Variants in TRIM24 observed in about 807,000 individuals in gnomAD.
TRIM24 encodes tripartite motif containing 24, also known as transcription intermediary factor 1-alpha.
TRIM24 carries 29 observed loss-of-function variants against 123.9 expected under a neutral mutation model. That is an observed-to-expected ratio of 0.23 (90% CI 0.17 to 0.32). The LOEUF is 0.32. Among genes scored for constraint, TRIM24 ranks in the 10% least tolerant of loss-of-function variants. The probability of loss-of-function intolerance (pLI) is 1.00; values close to 1 mark genes in which losing one functional copy is unlikely to be tolerated. For missense variants in TRIM24, 932 were observed against 1,295.3 expected (o/e 0.72, Z 4.31); for synonymous variants, 456 against 461.1 (o/e 0.99, Z 0.14).
chr7:138,508,700 CGTGT>C (rs1554436660), intron 2 of TRIM24, among the ~76,000 whole-genome samples: 6 of 35,508 alleles, frequency 1.7e-4, no homozygotes, highest in Admixed American at 2.9e-4. Flanking sequence ...TGTGCGCGCG[CGTGT>C]GTGCGTGTGT....
At chr7:138,582,934 C>G (rs1399788204) in intron 17 of TRIM24, among the ~76,000 whole-genome samples, 2 of 152,108 alleles carry the variant, frequency 1.3e-5, no homozygotes, top group African/African-American at 4.8e-5. Flanking sequence ...ACAACATTAC[C>G]AACTTGAAAA....
chr7:138,531,742 AT>A (rs1335015231), intron 6 of TRIM24, among the ~76,000 whole-genome samples: 3 of 152,188 alleles, frequency 2.0e-5, no homozygotes, highest in Non-Finnish European at 2.9e-5. Flanking sequence ...CAGTAATGGA[AT>A]GGCTGGGTCA....
intron 1 of TRIM24, among the ~76,000 whole-genome samples, chr7:138,498,091 G>T (rs1236811607): frequency 6.6e-6 from 1 of 152,006 alleles, no homozygotes; most frequent in East Asian, 1.9e-4. Flanking sequence ...CGCAATCTCA[G>T]CTCACTGCAA....
At chr7:138,579,563 T>G (rs770453236) in intron 15 of TRIM24, 31 bp downstream of exon 15, 1 of 1,512,570 alleles carries the variant, frequency 6.6e-7, no homozygotes, top group South Asian at 1.3e-5. Context: ...CCACATTCTT[T>G]TACTGTAAAC....
At chr7:138,510,765 T>C (rs969696645) in intron 2 of TRIM24, among the ~76,000 whole-genome samples, 1 of 152,226 alleles carries the variant, frequency 6.6e-6, no homozygotes, top group Non-Finnish European at 1.5e-5. Context: ...ATAAATCTTC[T>C]CTGTGCAGTT....
chr7:138,558,208 A>G (rs1048125404), intron 9 of TRIM24, among the ~76,000 whole-genome samples: 2 of 152,224 alleles, frequency 1.3e-5, no homozygotes, highest in Admixed American at 6.5e-5. Context: ...AAAGAGGGGA[A>G]ACAGGAGAAT....
At chr7:138,524,750 T>C (rs907025401) in intron 4 of TRIM24, among the ~76,000 whole-genome samples, 1 of 152,174 alleles carries the variant, frequency 6.6e-6, no homozygotes, top group Admixed American at 6.5e-5. Context: ...CTCATTATAC[T>C]GTTGCTTAAA....
intron 6 of TRIM24, among the ~76,000 whole-genome samples, chr7:138,537,375 G>GTTTTTTTTT (rs1388530445): frequency 1.1e-4 from 3 of 26,270 alleles, no homozygotes; most frequent in African/African-American, 4.1e-4. Flanking sequence ...CGCCACCCCT[G>GTTTTTTTTT]TTTGTTTTTT....
At chr7:138,565,254 G>A (rs1173375412) in intron 9 of TRIM24, among the ~76,000 whole-genome samples, 2 of 152,132 alleles carry the variant, frequency 1.3e-5, no homozygotes, top group South Asian at 2.1e-4. Context: ...TGGTTGGGGT[G>A]TGAGCTTGTG....
At chr7:138,566,073 C>T (rs1015603018) in intron 9 of TRIM24, among the ~76,000 whole-genome samples, 28 of 152,232 alleles carry the variant, frequency 1.8e-4, no homozygotes, top group African/African-American at 6.7e-4. Flanking sequence ...TTTGCCAGGG[C>T]CCTGCATATT....
intron 6 of TRIM24, among the ~76,000 whole-genome samples, chr7:138,537,153 T>C (rs556343440): frequency 1.1e-4 from 16 of 152,288 alleles, no homozygotes; most frequent in East Asian, 3.9e-4. Context: ...CCCTGACGCC[T>C]TGTGCTTCCC....
chr7:138,551,242 G>A, intron 8 of TRIM24, 62 bp downstream of exon 8: 2 of 1,380,210 alleles, frequency 1.4e-6, no homozygotes, highest in South Asian at 2.3e-5. Context: ...CAATGATTAT[G>A]ACATGTTACT....
rs965380662 is a variant in TRIM24, at chr7:138,588,230, G to A, written c.*3279G>A. 6.6e-6 allele frequency: 1 copy of A among 152,208 alleles called. No individual in the cohort carries two copies. The highest frequency in any genetic ancestry group is 1.5e-5 in the Non-Finnish European group (1 of 68,046). The allele number at this position is 152,208 out of a possible 1,614,324, so 9.4% of individuals were successfully genotyped here. ...ACACTTCCTTACGTTTGAGTTCCAA[G>A]GAGAGAGAGTGAGAAGAGGAACTCC... On this transcript the variant is annotated 3_prime_UTR_variant, in exon 19 of 19. Transcript: ENST00000343526.
At chr7:138,544,742 G>A (rs1395806584) in intron 7 of TRIM24, among the ~76,000 whole-genome samples, 1 of 152,152 alleles carries the variant, frequency 6.6e-6, no homozygotes, top group Non-Finnish European at 1.5e-5. Flanking sequence ...TTGTGGTCTT[G>A]ATTTGAATTT....
intron 6 of TRIM24, among the ~76,000 whole-genome samples, chr7:138,534,728 G>A (rs1584724670): frequency 2.0e-5 from 3 of 152,264 alleles, no homozygotes; most frequent in East Asian, 3.9e-4. Context: ...TATCTATTAG[G>A]TCTGCTTGGT....
At chr7:138,484,457 G>T (rs761395743) in intron 1 of TRIM24, among the ~76,000 whole-genome samples, 2 of 151,368 alleles carry the variant, frequency 1.3e-5, no homozygotes, top group Admixed American at 6.6e-5. Flanking sequence ...TCTAGTGAAA[G>T]CATAATTGTT....
intron 3 of TRIM24, among the ~76,000 whole-genome samples, chr7:138,517,521 G>C (rs1282057477): frequency 2.0e-5 from 3 of 152,010 alleles, no homozygotes; most frequent in Non-Finnish European, 4.4e-5. Context: ...TGTAATCCCT[G>C]TACCACCATG....
chr7:138,564,124 G>T (rs1453521572), intron 9 of TRIM24, among the ~76,000 whole-genome samples: 1 of 152,222 alleles, frequency 6.6e-6, no homozygotes, highest in Non-Finnish European at 1.5e-5. Context: ...CCATGTAGGA[G>T]GGGGTATGGT....
intron 9 of TRIM24, among the ~76,000 whole-genome samples, chr7:138,564,126 G>T (rs1486850645): frequency 6.6e-6 from 1 of 152,188 alleles, no homozygotes; most frequent in African/African-American, 2.4e-5. Context: ...ATGTAGGAGG[G>T]GGTATGGTGT....
Sources: allele counts gnomAD v4.1 joint callset (sites outside exome capture counted in the v4.1 genomes callset), GRCh38; gene constraint gnomAD v4.1.1; transcripts MANE v1.5; gene names NCBI Gene and HGNC (gene_info 2026-07-23, HGNC 2026-07-21).